COL24A1: variants seen among roughly 807,000 people sequenced by gnomAD.
COL24A1 encodes collagen type XXIV alpha 1 chain.
A neutral mutation model predicts 253.9 loss-of-function variants in COL24A1; 224 were observed. The ratio of observed to expected loss-of-function variants is 0.88; its 90% CI spans 0.79 to 0.99. The LOEUF is 0.99. Ranked by LOEUF, COL24A1 falls within the 50% of genes least tolerant of loss-of-function variation. The pLI, the probability that COL24A1 is intolerant of heterozygous loss-of-function variation, is 0.00. For synonymous variants in COL24A1, 685 were observed against 673.7 expected, an observed-to-expected ratio of 1.02 and a Z score of -0.26; for missense variants, 2,131 against 2,068.5, an observed-to-expected ratio of 1.03 and a Z score of -0.59.
chr1:86,079,326 C>G (rs1009270509), intron 7 of COL24A1, among the ~76,000 whole-genome samples: 1 of 152,046 alleles, frequency 6.6e-6, no homozygotes, highest in African/African-American at 2.4e-5. Context: ...AGACTTAAAT[C>G]TAAAACCTCA....
intron 19 of COL24A1, among the ~76,000 whole-genome samples, chr1:86,016,313 C>T (rs476831): frequency 0.01 from 1,559 of 152,312 alleles, 37 homozygotes; most frequent in African/African-American, 0.035. Context: ...GAGAGGGAGA[C>T]AGCATCAGTA....
intron 19 of COL24A1, among the ~76,000 whole-genome samples, chr1:86,012,221 T>C (rs1696562782): frequency 6.6e-6 from 1 of 152,210 alleles, no homozygotes; most frequent in South Asian, 2.1e-4. Flanking sequence ...GCTGGCAGTT[T>C]TATTATCAAA....
At chr1:85,997,829 G>A (rs1162847856) in intron 19 of COL24A1, among the ~76,000 whole-genome samples, 1 of 151,698 alleles carries the variant, frequency 6.6e-6, no homozygotes, top group Non-Finnish European at 1.5e-5. Context: ...AAGAACTTTT[G>A]CTAGAGATAT....
chr1:85,977,605 C>T (rs1041039935), intron 20 of COL24A1, among the ~76,000 whole-genome samples: 1 of 152,032 alleles, frequency 6.6e-6, no homozygotes, highest in African/African-American at 2.4e-5. Flanking sequence ...TAGACTAGGA[C>T]AGGTAGAAGA....
In COL24A1 at chr1:86,046,815, A is replaced by T. The variant is rs144467896; in HGVS notation, c.1950+10T>A. 1.9e-5 allele frequency: 31 copies of T among 1,611,632 alleles called. No individual in the cohort carries two copies. Among genetic ancestry groups the T allele is most frequent in the Non-Finnish European group, 2.5e-5 (29 of 1,178,186 alleles). On this transcript the variant is annotated intron_variant, in intron 12 of 59. Transcript: ENST00000370571. ...GTAAAATAAACCTCAAAAAACACAAATTAAGATACCTGTCTCCCCTTAAAA... is the reference window on the plus strand; with the variant it reads ...GTAAAATAAACCTCAAAAAACACAATTTAAGATACCTGTCTCCCCTTAAAA...
At chr1:86,046,073 C>T (rs1447153651) in intron 12 of COL24A1, among the ~76,000 whole-genome samples, 1 of 152,146 alleles carries the variant, frequency 6.6e-6, no homozygotes, top group East Asian at 1.9e-4. Context: ...CTCTATTTTC[C>T]CTTCAAAGAA....
intron 3 of COL24A1, among the ~76,000 whole-genome samples, chr1:86,117,478 T>A (rs949468052): frequency 1.3e-5 from 2 of 152,192 alleles, no homozygotes; most frequent in African/African-American, 4.8e-5. Context: ...TGTATAAGCC[T>A]CCTAGTTTAT....
chr1:86,149,286 T>G (rs1388818044), intron 1 of COL24A1, among the ~76,000 whole-genome samples: 1 of 152,204 alleles, frequency 6.6e-6, no homozygotes, highest in African/African-American at 2.4e-5. Context: ...ACAGGCATTT[T>G]AAAACATTTT....
chr1:86,068,251 C>T (rs1267895595), intron 7 of COL24A1, among the ~76,000 whole-genome samples: 1 of 152,200 alleles, frequency 6.6e-6, no homozygotes, highest in Non-Finnish European at 1.5e-5. Flanking sequence ...GAAAGAGGCA[C>T]TGAGGAGGAC....
At chr1:85,834,556 G>T (rs902368953) in intron 43 of COL24A1, among the ~76,000 whole-genome samples, 2 of 152,114 alleles carry the variant, frequency 1.3e-5, no homozygotes, top group African/African-American at 2.4e-5. Context: ...AGGCCAAGTT[G>T]GGATTTAGTT....
chr1:86,048,265 C>T (rs1031109944), intron 11 of COL24A1, among the ~76,000 whole-genome samples: 7 of 152,066 alleles, frequency 4.6e-5, no homozygotes, highest in African/African-American at 1.7e-4. Flanking sequence ...TATTGACTCC[C>T]AGAAATGACT....
chr1:85,925,156 A>C (rs576420030), intron 24 of COL24A1, among the ~76,000 whole-genome samples: 2,288 of 152,122 alleles, frequency 0.015, 48 homozygotes, highest in African/African-American at 0.052. Context: ...CAAACCACTG[A>C]ACAATGAAAT....
intron 43 of COL24A1, among the ~76,000 whole-genome samples, chr1:85,834,129 T>A (rs6665363): frequency 0.092 from 13,802 of 150,136 alleles, 687 homozygotes; most frequent in East Asian, 0.13. Context: ...TAATAAAATT[T>A]AAAAAAAAAG....
At chr1:85,835,501 A>G (rs1675903169) in intron 43 of COL24A1, among the ~76,000 whole-genome samples, 1 of 152,184 alleles carries the variant, frequency 6.6e-6, no homozygotes, top group Non-Finnish European at 1.5e-5. Flanking sequence ...AGTATTCGTT[A>G]ATAATAATGA....
chr1:86,050,176 C>G lies in COL24A1; in HGVS notation c.1853G>C (p.Gly618Ala). ...EGNPGPKGAQGFIGSPGEAGQ... is the reference protein window; with the variant it reads ...EGNPGPKGAQAFIGSPGEAGQ... ...CGCTTCTCCAGGAGAGCCAATAAAACCCTTAAAACAAGAAAATAGTCTGTA... is the reference window on the plus strand; with the variant it reads ...CGCTTCTCCAGGAGAGCCAATAAAAGCCTTAAAACAAGAAAATAGTCTGTA... The change falls in exon 11 of 60, where the codon GGT becomes GCT. Residue 618 changes from glycine to alanine, a missense_variant and splice_region_variant. Physicochemically the swap from Gly to Ala is moderately conservative, Grantham distance 60. Transcript: ENST00000370571. 1 of 1,613,120 alleles carries G rather than the reference C, an allele frequency of 6.2e-7. No homozygotes were observed. Among genetic ancestry groups the G allele is most frequent in the South Asian group, 1.1e-5 (1 of 91,034 alleles).
At chr1:86,059,041 A>G in intron 9 of COL24A1, 80 bp downstream of exon 9, 2 of 845,532 alleles carry the variant, frequency 2.4e-6, no homozygotes, top group Non-Finnish European at 3.5e-6. Flanking sequence ...AACTATTTGA[A>G]CATTAATTCT....
chr1:85,860,309 C>G (rs140018987), intron 37 of COL24A1, among the ~76,000 whole-genome samples: 20 of 152,256 alleles, frequency 1.3e-4, no homozygotes, highest in African/African-American at 4.8e-4. Context: ...AATTTTAGAA[C>G]ATTTTCGTCA....
chr1:85,936,404 G>T (rs570878061), intron 24 of COL24A1, among the ~76,000 whole-genome samples: 1 of 147,296 alleles, frequency 6.8e-6, no homozygotes, highest in East Asian at 2.1e-4. Context: ...AGCATAACTT[G>T]CTGCACCTGA....
At chr1:85,833,182 A>T (rs1558311570) in intron 43 of COL24A1, among the ~76,000 whole-genome samples, 1 of 152,226 alleles carries the variant, frequency 6.6e-6, no homozygotes. Flanking sequence ...GTGAACAGGC[A>T]ACCTACAAAA....
Sources: allele counts gnomAD v4.1 joint callset (sites outside exome capture counted in the v4.1 genomes callset), GRCh38; gene constraint gnomAD v4.1.1; transcripts MANE v1.5; gene names NCBI Gene and HGNC (gene_info 2026-07-23, HGNC 2026-07-21).